ITGAD: variants seen among roughly 807,000 people sequenced by gnomAD.
ITGAD encodes the protein integrin alpha-D.
ITGAD carries 105 observed loss-of-function variants against 139.0 expected under a neutral mutation model. The ratio of observed to expected loss-of-function variants is 0.76; its 90% CI spans 0.65 to 0.89. The LOEUF (loss-of-function observed/expected upper bound fraction) is 0.89. ITGAD is among the 40% of genes least tolerant of loss of function. The pLI is 0.00. For synonymous variants in ITGAD, 569 were observed against 598.3 expected (o/e 0.95, Z 0.71); for missense variants, 1,384 against 1,487.3 (o/e 0.93, Z 1.14).
At position 31,413,158 on chromosome 16, in the gene ITGAD, C is replaced by T. The variant is rs1166830818; in HGVS notation, c.1908C>T (p.Tyr636=). 2 of 1,614,044 alleles carry T rather than the reference C, an allele frequency of 1.2e-6. No homozygotes were observed. The highest frequency in any genetic ancestry group is 1.7e-5 in the Admixed American group (1 of 60,008). Residue 636 remains tyrosine, a synonymous_variant, in exon 16 of 30, where the codon TAC becomes TAT. Transcript: ENST00000389202. ...FSPVEVAKAV[Y]RCWEEKPSAL... ...CTGTGGAGGTGGCCAAGGCTGTGTA[C>T]CGGTGCTGGGAAGAGAAGCCCAGTG...
rs1478586544 is a variant in ITGAD, at chr16:31,426,238, C to T, written c.*110C>T. Reference sequence around the variant, plus strand: ...ATAGATCTGCACTGGCCTAAGCAACCTACCAGGTGCTAAGCACCTTCTCGG... The same window carrying T: ...ATAGATCTGCACTGGCCTAAGCAACTTACCAGGTGCTAAGCACCTTCTCGG... On this transcript the variant is annotated 3_prime_UTR_variant, in exon 30 of 30. Transcript: ENST00000389202. 4 of 701,946 alleles carry T rather than the reference C, an allele frequency of 5.7e-6. No individual in the cohort carries two copies. The highest frequency in any genetic ancestry group is 2.2e-5 in the Admixed American group (1 of 45,992). 43.5% of individuals were successfully genotyped at this position (701,946 alleles called of 1,614,324 possible). A position where few individuals can be genotyped will look rare whatever the true frequency, so the allele number is the denominator to read the frequency against.
chr16:31,425,691 T>TC (rs34017890), intron 29 of ITGAD, among the ~76,000 whole-genome samples: 2 of 147,236 alleles, frequency 1.4e-5, no homozygotes, highest in African/African-American at 2.5e-5. Context: ...TTCTTCTTCT[T>TC]TTTTTTTTTT....
In ITGAD at chr16:31,397,577, C is replaced by G. The variant is rs200546283; in HGVS notation, c.242-19C>G. On this transcript the variant is annotated intron_variant, in intron 3 of 29. Transcript: ENST00000389202. ...TGAGTGTGTGCTGTGAGTGAGACCC[C>G]GCGTGTCTGCCCTTGCAGTCCGCCC... 2.0e-4 allele frequency: 324 copies of G among 1,606,030 alleles called. No individual in the cohort carries two copies. The highest frequency in any genetic ancestry group is 1.9e-5 in the Non-Finnish European group (23 of 1,179,498).
intron 5 of ITGAD, among the ~76,000 whole-genome samples, chr16:31,400,159 G>A (rs2081367570): frequency 6.6e-6 from 1 of 152,246 alleles, no homozygotes; most frequent in African/African-American, 2.4e-5. Flanking sequence ...GATGTTGGCT[G>A]CCCAGATGTG....
rs1410372586 is a variant in ITGAD at position 31,403,777 on chromosome 16, C to T, written c.704+132C>T. 7 of 1,147,008 alleles carry T rather than the reference C, an allele frequency of 6.1e-6. No homozygotes were observed. In the South Asian group the frequency reaches 8.9e-5, roughly 15 times the overall value. 71.1% of individuals were successfully genotyped at this position (1,147,008 alleles called of 1,614,324 possible). On this transcript the variant is annotated intron_variant, in intron 7 of 29. Coordinates refer to ENST00000389202, the MANE Select transcript of ITGAD (RefSeq NM_005353.3). The surrounding 1 kb of genome is among the most constrained non-coding windows in gnomAD (Gnocchi z 4.4). The stretch of plus-strand genomic sequence containing the variant: ...GCTACCAAGGGGCATGTCGGGGCTG[C>T]AGGGAGAACCTCCCCCCGGGGTGCT...
chr16:31,414,728 T>G (rs1191466939), intron 17 of ITGAD, 123 bp downstream of exon 17: 3 of 1,548,400 alleles, frequency 1.9e-6, no homozygotes, highest in African/African-American at 1.4e-5. Context: ...AGAGGGACAT[T>G]AGGGCAGGAG....
intron 5 of ITGAD, among the ~76,000 whole-genome samples, chr16:31,400,700 G>A (rs1193521392): frequency 6.6e-6 from 1 of 152,130 alleles, no homozygotes; most frequent in Non-Finnish European, 1.5e-5. Flanking sequence ...CACCTCCCAG[G>A]TTCAAGTGAT....
At chr16:31,417,521 G>C (rs1332602395) in intron 20 of ITGAD, among the ~76,000 whole-genome samples, 1 of 152,070 alleles carries the variant, frequency 6.6e-6, no homozygotes, top group Non-Finnish European at 1.5e-5. Context: ...TTTATGGAGT[G>C]AGGTAGGGAT....
Position 31,411,455 on chromosome 16 carries a change from C to G in ITGAD, c.1645C>G (p.Arg549Gly). 1 of 1,614,076 alleles carries G rather than the reference C, an allele frequency of 6.2e-7. No homozygotes were observed. Among genetic ancestry groups the G allele is most frequent in the African/African-American group, 1.3e-5 (1 of 75,020 alleles). ...AIGAPGEQEN[R>G]GAVYLFHGAS... ...TGGGGCCCCGGGAGAGCAGGAGAAC[C>G]GGGGTGCTGTCTACCTGTTTCACGG... Residue 549 changes from arginine (R) to glycine (G), a missense_variant, in exon 14 of 30, where the codon CGG (arginine) becomes GGG (glycine). Physicochemically the swap from Arg to Gly is moderately radical, Grantham distance 125. Transcript: ENST00000389202.
chr16:31,417,976 T>G (rs2081931014), intron 20 of ITGAD, 99 bp from the exon 21 acceptor site: 1 of 901,016 alleles, frequency 1.1e-6, no homozygotes, highest in East Asian at 2.4e-5. Context: ...AAAAGAAAAG[T>G]CTGTCATTTT....
intron 23 of ITGAD, 79 bp from the exon 24 acceptor site, chr16:31,423,035 A>G (rs556076969): frequency 1.8e-6 from 2 of 1,117,124 alleles, no homozygotes; most frequent in African/African-American, 1.5e-5. Context: ...GCCCAGCCCA[A>G]CAGAGCTCTC....
chr16:31,407,008 G>C (rs1277412076), intron 7 of ITGAD, among the ~76,000 whole-genome samples: 1 of 152,220 alleles, frequency 6.6e-6, no homozygotes, highest in East Asian at 1.9e-4. Context: ...TAGAAACAAA[G>C]AATGTGACTT....
chr16:31,415,070 C>A, intron 18 of ITGAD, 79 bp downstream of exon 18: 3 of 1,515,284 alleles, frequency 2.0e-6, no homozygotes, highest in Non-Finnish European at 1.8e-6. Flanking sequence ...TGTAGCTCCC[C>A]AACACCCAAC....
At chr16:31,424,226 C>T (rs370564991) in intron 28 of ITGAD, 23 bp downstream of exon 28, 107 of 1,613,002 alleles carry the variant, frequency 6.6e-5, no homozygotes, top group Middle Eastern at 1.6e-4. Flanking sequence ...TGGAGGGCAG[C>T]GACCAGCTGG....
At position 31,424,086 on chromosome 16, in the gene ITGAD, C is replaced by A; in HGVS notation, c.3160-16C>A. 1 of 1,614,152 alleles carries A rather than the reference C, an allele frequency of 6.2e-7. No individual in the cohort carries two copies. The highest frequency in any genetic ancestry group is 1.3e-5 in the African/African-American group (1 of 75,046). On this transcript the variant is annotated splice_polypyrimidine_tract_variant and intron_variant, in intron 27 of 29. Coordinates refer to ENST00000389202, the MANE Select transcript of ITGAD (RefSeq NM_005353.3). Reference sequence around the variant, plus strand: ...CCCAGAGCCAGTTCCACAGGTTTCCCCCAACCCCTTTGCAGACATTGCAGA... The same window carrying A: ...CCCAGAGCCAGTTCCACAGGTTTCCACCAACCCCTTTGCAGACATTGCAGA...
chr16:31,422,400 C>T (rs899606848), intron 23 of ITGAD, among the ~76,000 whole-genome samples: 1 of 152,154 alleles, frequency 6.6e-6, no homozygotes, highest in Non-Finnish European at 1.5e-5. Flanking sequence ...ATGTCCCTTC[C>T]ACAGGCTTGT....
At chr16:31,396,483 TG>T (rs1304029556) in intron 2 of ITGAD, among the ~76,000 whole-genome samples, 6 of 152,036 alleles carry the variant, frequency 3.9e-5, no homozygotes, top group Non-Finnish European at 8.8e-5. Context: ...AAAAAACATA[TG>T]GGTTGATGGG....
intron 6 of ITGAD, 178 bp downstream of exon 6, chr16:31,402,423 G>A: frequency 2.1e-6 from 1 of 472,724 alleles, no homozygotes; most frequent in Middle Eastern, 5.8e-4. Context: ...GGCCCTCTTG[G>A]CATTTAATAA....
intron 23 of ITGAD, among the ~76,000 whole-genome samples, chr16:31,420,500 T>C (rs902762828): frequency 2.6e-5 from 4 of 151,984 alleles, no homozygotes; most frequent in African/African-American, 9.7e-5. Flanking sequence ...CAGGTTCAAG[T>C]GATTCTCCTG....
Sources: gnomAD v4.1 joint callset for allele counts (sites outside exome capture counted in the v4.1 genomes callset) on GRCh38, gnomAD v4.1.1 for gene constraint, Gnocchi (gnomAD v3.1) non-coding constraint, MANE v1.5 for transcripts, NCBI Gene and HGNC (gene_info 2026-07-23, HGNC 2026-07-21) for gene names.